The following TPH2 variants were observed in gnomAD, a reference collection of about 807,000 sequenced individuals.
TPH2 encodes tryptophan 5-hydroxylase 2.
A neutral mutation model predicts 59.1 loss-of-function variants in TPH2; 27 were observed. The observed-to-expected ratio is 0.46, with a 90% CI of 0.34 to 0.63. The LOEUF is 0.63. Among genes scored for constraint, TPH2 ranks in the 30% least tolerant of loss-of-function variants. The pLI, the probability that TPH2 is intolerant of heterozygous loss-of-function variation, is 0.01. For missense variants in TPH2, 523 were observed against 588.3 expected, an observed-to-expected ratio of 0.89 and a Z score of 1.15; for synonymous variants, 220 against 210.5, an observed-to-expected ratio of 1.05 and a Z score of -0.39.
chr12:71,964,464 G>A, intron 5 of TPH2: 1 of 968,914 alleles, frequency 1.0e-6, no homozygotes, highest in Non-Finnish European at 1.2e-6. Context: ...AGTATTTTTA[G>A]TATTTTTGTA....
At chr12:72,024,284 T>A (rs896340373) in intron 9 of TPH2, among the ~76,000 whole-genome samples, 2 of 152,164 alleles carry the variant, frequency 1.3e-5, no homozygotes, top group Admixed American at 1.3e-4. Flanking sequence ...AAGGAAAGGA[T>A]GGGGTGCACC....
intron 8 of TPH2, among the ~76,000 whole-genome samples, chr12:72,007,952 T>A (rs1872999264): frequency 6.6e-6 from 1 of 152,186 alleles, no homozygotes; most frequent in African/African-American, 2.4e-5. Context: ...TTATGGCCCA[T>A]TCATTTATTC....
At chr12:71,960,663 C>T (rs535413947) in intron 5 of TPH2, among the ~76,000 whole-genome samples, 5 of 152,300 alleles carry the variant, frequency 3.3e-5, no homozygotes, top group Admixed American at 1.3e-4. Context: ...CTGATTATAG[C>T]ATGGCTCCCA....
rs377685847 is a variant in TPH2, at chr12:71,992,176, C to T, written c.942-2263C>T. 7.9e-5 allele frequency among the ~76,000 whole-genome samples: 12 copies of T among 152,316 alleles called. No individual in the cohort carries two copies. The East Asian group carries it at 1.2e-3, about 15-fold the overall frequency. ...CTAGCTTGGCTAAACTCTCTTCCTACGGCCTAAGCTATGTACGCCCCAGCC... is the reference window on the plus strand; with the variant it reads ...CTAGCTTGGCTAAACTCTCTTCCTATGGCCTAAGCTATGTACGCCCCAGCC... On this transcript the variant is annotated intron_variant, in intron 7 of 10. Transcript: ENST00000333850.
chr12:71,951,041 T>C (rs1249618592), intron 5 of TPH2, among the ~76,000 whole-genome samples: 2 of 152,038 alleles, frequency 1.3e-5, no homozygotes, highest in Non-Finnish European at 2.9e-5. Context: ...CCTATTCTCA[T>C]CTCCTCTGTT....
Position 71,944,673 on chromosome 12 carries a change from A to G in TPH2, c.527A>G (p.Asp176Gly). ...HRVLMYGSEL[D>G]ADHPGFKDNV... The stretch of plus-strand genomic sequence containing the variant: ...GTTCTCATGTATGGTTCTGAGCTTG[A>G]TGCTGACCACCCAGTAAGTGTCCAG... The change falls in exon 4 of 11, where the codon GAT becomes GGT. Residue 176 changes from aspartate (D) to glycine (G), a missense_variant. Asp to Gly is a moderately conservative substitution (Grantham distance 94). Transcript: ENST00000333850. 3 of 1,613,868 alleles carry G rather than the reference A, an allele frequency of 1.9e-6. No homozygotes were observed. The highest frequency in any genetic ancestry group is 2.5e-6 in the Non-Finnish European group (3 of 1,179,810).
At chr12:71,988,654 T>C (rs1400634755) in intron 7 of TPH2, among the ~76,000 whole-genome samples, 2 of 152,178 alleles carry the variant, frequency 1.3e-5, no homozygotes, top group Non-Finnish European at 2.9e-5. Flanking sequence ...GGCCCCACCT[T>C]CAACATTGGG....
chr12:71,981,905 A>G (rs1872287832), intron 7 of TPH2, among the ~76,000 whole-genome samples: 1 of 151,530 alleles, frequency 6.6e-6, no homozygotes, highest in Admixed American at 6.6e-5. Context: ...CAAGTCTCCT[A>G]TGACTACACA....
At chr12:71,993,527 A>G (rs1288223845) in intron 7 of TPH2, among the ~76,000 whole-genome samples, 2 of 152,294 alleles carry the variant, frequency 1.3e-5, no homozygotes, top group East Asian at 1.9e-4. Context: ...TCTGCCTTGT[A>G]TTGTCGTGAA....
chr12:71,960,037 G>T (rs1291468430), intron 5 of TPH2, among the ~76,000 whole-genome samples: 2 of 152,180 alleles, frequency 1.3e-5, no homozygotes, highest in African/African-American at 4.8e-5. Context: ...GGTTTTGAAT[G>T]AAACTGAGAT....
chr12:72,008,270 G>A (rs1422506026), intron 8 of TPH2, among the ~76,000 whole-genome samples: 1 of 152,200 alleles, frequency 6.6e-6, no homozygotes, highest in African/African-American at 2.4e-5. Context: ...GGAAACTTTT[G>A]CATCTAATGG....
At chr12:71,960,718 T>C (rs1394404760) in intron 5 of TPH2, among the ~76,000 whole-genome samples, 2 of 152,210 alleles carry the variant, frequency 1.3e-5, no homozygotes, top group Non-Finnish European at 2.9e-5. Context: ...TATCACTTAC[T>C]GACAAGGACA....
intron 9 of TPH2, among the ~76,000 whole-genome samples, chr12:72,025,220 A>T (rs925103803): frequency 2.6e-5 from 4 of 152,150 alleles, no homozygotes; most frequent in African/African-American, 7.2e-5. Flanking sequence ...CTTTTGCAGT[A>T]AAATATTTTA....
intron 9 of TPH2, among the ~76,000 whole-genome samples, chr12:72,024,082 C>T (rs1432090612): frequency 6.6e-6 from 1 of 152,176 alleles, no homozygotes; most frequent in African/African-American, 2.4e-5. Context: ...CACTAGGCTG[C>T]ACTCCCTGTG....
At chr12:71,989,947 TG>T (rs34488392) in intron 7 of TPH2, among the ~76,000 whole-genome samples, 114,989 of 147,666 alleles carry the variant, frequency 0.78, 45,344 homozygotes, top group East Asian at 0.93. Context: ...TATCAGCTCT[TG>T]GTTTTTTTTT....
chr12:71,943,333 G>T (rs1477112434), intron 2 of TPH2, among the ~76,000 whole-genome samples: 1 of 152,164 alleles, frequency 6.6e-6, no homozygotes, highest in Non-Finnish European at 1.5e-5. Flanking sequence ...ATCAGGAATT[G>T]TGTTGGTAAT....
At chr12:71,946,327 C>A (rs1372283484) in intron 4 of TPH2, among the ~76,000 whole-genome samples, 4 of 152,224 alleles carry the variant, frequency 2.6e-5, no homozygotes, top group South Asian at 2.1e-4. Flanking sequence ...CCAAATGCTC[C>A]CCTTAGTCTA....
intron 9 of TPH2, 45 bp downstream of exon 9, chr12:72,022,539 CAAGG>C: frequency 1.5e-6 from 2 of 1,335,588 alleles, no homozygotes; most frequent in Non-Finnish European, 2.2e-6. Flanking sequence ...CAAACTGGTT[CAAGG>C]TCAGGGAAAA....
intron 6 of TPH2, among the ~76,000 whole-genome samples, chr12:71,977,120 C>T (rs550383168): frequency 4.6e-5 from 7 of 152,252 alleles, no homozygotes; most frequent in South Asian, 4.1e-4. Context: ...GGCGTAAGCT[C>T]GGCTCACTGC....
Sources: gnomAD v4.1 joint callset for allele counts (sites outside exome capture counted in the v4.1 genomes callset) on GRCh38, gnomAD v4.1.1 for gene constraint, MANE v1.5 for transcripts, NCBI Gene and HGNC (gene_info 2026-07-23, HGNC 2026-07-21) for gene names.